COBL: variants seen among roughly 807,000 people sequenced by gnomAD.
COBL encodes cordon-bleu WH2 repeat protein.
COBL carries 51 observed loss-of-function variants against 98.8 expected under a neutral mutation model. That is an observed-to-expected ratio of 0.52 (90% confidence interval 0.41 to 0.65). The LOEUF (loss-of-function observed/expected upper bound fraction) is 0.65. COBL is among the 30% of genes least tolerant of loss of function. The pLI is 0.00. For missense variants in COBL, 1,617 were observed against 1,617.5 expected, an observed-to-expected ratio of 1.00 and a Z score of 0.01; for synonymous variants, 634 against 651.7, an observed-to-expected ratio of 0.97 and a Z score of 0.41.
chr7:51,303,784 T>C lies in COBL; in HGVS notation c.41+12809A>G, dbSNP rs564363121. 1.1e-4 allele frequency among the ~76,000 whole-genome samples: 16 copies of C among 152,320 alleles called. 1 individual carries two copies. Among genetic ancestry groups the C allele is most frequent in the Non-Finnish European group, 2.1e-4 (14 of 68,026 alleles). On this transcript the variant is annotated intron_variant, in intron 1 of 12. Coordinates refer to ENST00000265136, the MANE Select transcript of COBL (RefSeq NM_015198.5). ...CTGTATGGATCCTTTCCTTATACTT[T>C]TCCCAGTGGGTCTACAGACTGGCTG...
intron 10 of COBL, among the ~76,000 whole-genome samples, chr7:51,027,197 T>C (rs1345400103): frequency 6.6e-6 from 1 of 152,230 alleles, no homozygotes; most frequent in Non-Finnish European, 1.5e-5. Flanking sequence ...ATCTCATTAT[T>C]AGCATTGGTG....
At chr7:51,195,236 C>T (rs888414235) in intron 2 of COBL, among the ~76,000 whole-genome samples, 1 of 152,180 alleles carries the variant, frequency 6.6e-6, no homozygotes, top group African/African-American at 2.4e-5. Flanking sequence ...CTGCATATGG[C>T]TAGCCAGTTC....
At chr7:51,020,256 C>T (rs1005349247) in intron 12 of COBL, among the ~76,000 whole-genome samples, 6 of 152,272 alleles carry the variant, frequency 3.9e-5, no homozygotes, top group East Asian at 1.9e-4. Flanking sequence ...AGGAAGGTGT[C>T]GGGGTAGATG....
At chr7:51,257,851 T>C (rs778499493) in intron 1 of COBL, among the ~76,000 whole-genome samples, 14 of 152,192 alleles carry the variant, frequency 9.2e-5, no homozygotes, top group Non-Finnish European at 1.5e-4. Context: ...AAAAGTTCAC[T>C]CAGATTTTGA....
intron 1 of COBL, among the ~76,000 whole-genome samples, chr7:51,300,569 G>A (rs1348521790): frequency 6.6e-6 from 1 of 152,206 alleles, no homozygotes; most frequent in Non-Finnish European, 1.5e-5. Flanking sequence ...TGGTATGTCA[G>A]AAGGAGCTGC....
In COBL at chr7:51,173,919, T is replaced by C. The variant is rs555036852; in HGVS notation, c.783+10183A>G. On this transcript the variant is annotated intron_variant, in intron 5 of 12. Transcript: ENST00000265136. ...TTTTATACACACATTCACACACATA[T>C]GACACATACACATATACACACATAC... 1.7e-4 allele frequency among the ~76,000 whole-genome samples: 26 copies of C among 152,166 alleles called. No homozygotes were observed. The South Asian group carries it at 5.4e-3, about 32-fold the overall frequency.
intron 2 of COBL, among the ~76,000 whole-genome samples, chr7:51,211,960 C>A (rs1792481695): frequency 6.6e-6 from 1 of 152,092 alleles, no homozygotes; most frequent in Non-Finnish European, 1.5e-5. Flanking sequence ...AAGACAGTAA[C>A]AAAATGGAAT....
At chr7:51,054,705 C>T (rs187262777) in intron 7 of COBL, among the ~76,000 whole-genome samples, 1 of 152,280 alleles carries the variant, frequency 6.6e-6, no homozygotes, top group African/African-American at 2.4e-5. Flanking sequence ...AGCTCTCCCT[C>T]ACGCTTCTGT....
chr7:51,206,372 A>C (rs929982910), intron 2 of COBL, among the ~76,000 whole-genome samples: 3 of 151,986 alleles, frequency 2.0e-5, no homozygotes, highest in Middle Eastern at 3.2e-3. Flanking sequence ...CATGCCTGTA[A>C]TCCCAGCTAC....
chr7:51,191,218 G>A (rs1790088769), intron 3 of COBL, 140 bp from the exon 4 acceptor site: 3 of 676,810 alleles, frequency 4.4e-6, no homozygotes, highest in South Asian at 3.7e-5. Context: ...GAGTAATGGG[G>A]GAAAACAGCA....
At position 51,234,715 on chromosome 7, in the gene COBL, AAAAAG is replaced by A. The variant is rs564739226; in HGVS notation, c.42-14776_42-14772del. 4.5e-4 allele frequency among the ~76,000 whole-genome samples: 69 copies of A among 151,696 alleles called. No individual in the cohort carries two copies. In the South Asian group the frequency reaches 8.0e-3, roughly 17 times the overall value. ...GGCCCTGTTTCAGAAAAAAAAAAAA[AAAAAG>A]AAAGAAAGAAAGAAAAAGAAAAGAA... On this transcript the variant is annotated intron_variant, in intron 1 of 12. Coordinates refer to ENST00000265136, the MANE Select transcript of COBL (RefSeq NM_015198.5).
intron 5 of COBL, chr7:51,156,758 G>C (rs548091364): frequency 5.6e-6 from 1 of 177,660 alleles, no homozygotes; most frequent in Non-Finnish European, 1.1e-5. Flanking sequence ...CTGTAGTTAA[G>C]GTGCACTTTC....
At chr7:51,284,725 G>A (rs778027541) in intron 1 of COBL, among the ~76,000 whole-genome samples, 1 of 151,378 alleles carries the variant, frequency 6.6e-6, no homozygotes, top group Non-Finnish European at 1.5e-5. Context: ...TACTCAGGAG[G>A]CTGAGGCAGG....
intron 5 of COBL, chr7:51,156,300 A>G: frequency 1.8e-5 from 18 of 985,070 alleles, no homozygotes; most frequent in East Asian, 1.1e-4. Context: ...TTATCTCCCC[A>G]TGATGTCCAG....
chr7:51,083,781 G>A (rs1233276048), intron 7 of COBL, among the ~76,000 whole-genome samples: 1 of 152,162 alleles, frequency 6.6e-6, no homozygotes, highest in Non-Finnish European at 1.5e-5. Flanking sequence ...GTCCTGAGTT[G>A]TAGAGAGGGT....
At chr7:51,209,601 A>G (rs985709668) in intron 2 of COBL, among the ~76,000 whole-genome samples, 7 of 152,162 alleles carry the variant, frequency 4.6e-5, no homozygotes, top group African/African-American at 1.7e-4. Flanking sequence ...CAGCATAGCG[A>G]ACAGACTTCT....
At chr7:51,296,445 C>G (rs1395953962) in intron 1 of COBL, among the ~76,000 whole-genome samples, 4 of 151,764 alleles carry the variant, frequency 2.6e-5, no homozygotes. Flanking sequence ...TTTAATTAAG[C>G]TTGGCTTTAC....
intron 1 of COBL, among the ~76,000 whole-genome samples, chr7:51,279,708 C>A (rs1344112317): frequency 6.6e-6 from 1 of 152,194 alleles, no homozygotes; most frequent in African/African-American, 2.4e-5. Flanking sequence ...GACAAATGTA[C>A]AATGACACGT....
chr7:51,018,905 A>AAAAAAAAAAAAT (rs1554345519), intron 12 of COBL, among the ~76,000 whole-genome samples: 1 of 34,446 alleles, frequency 2.9e-5, no homozygotes, highest in African/African-American at 1.3e-4. Flanking sequence ...AAAAAAAAAA[A>AAAAAAAAAAAAT]ATATATATAT....
Sources: allele counts gnomAD v4.1 joint callset (sites outside exome capture counted in the v4.1 genomes callset), GRCh38; gene constraint gnomAD v4.1.1; transcripts MANE v1.5; gene names NCBI Gene and HGNC (gene_info 2026-07-23, HGNC 2026-07-21).